Variants in PDE1C observed in about 807,000 individuals in gnomAD.
The protein encoded by PDE1C is dual specificity calcium/calmodulin-dependent 3',5'-cyclic nucleotide phosphodiesterase 1C.
Under a neutral mutation model 93.1 loss-of-function variants are expected in PDE1C, and 62 were observed. That is an observed-to-expected ratio of 0.67 (90% CI 0.54 to 0.82). PDE1C has a LOEUF of 0.82. PDE1C is among the 40% of genes least tolerant of loss of function. The probability of loss-of-function intolerance (pLI) is 0.00; values close to 1 mark genes in which losing one functional copy is unlikely to be tolerated. For missense variants in PDE1C, 742 were observed against 884.6 expected, an observed-to-expected ratio of 0.84 and a Z score of 2.04; for synonymous variants, 325 against 310.1, an observed-to-expected ratio of 1.05 and a Z score of -0.50.
rs1785514547 is a variant in PDE1C at position 32,425,749 on chromosome 7, C to A, written c.310+2073G>T. On this transcript the variant is annotated intron_variant, in intron 1 of 1. Coordinates refer to the PDE1C transcript ENST00000672256. Reference sequence around the variant, plus strand: ...TTGAGCCCAAGGGTTCAAGACCAGACTGGGCAACTGGAGAAATCTTGTCTC... The same window carrying A: ...TTGAGCCCAAGGGTTCAAGACCAGAATGGGCAACTGGAGAAATCTTGTCTC... 2.0e-5 allele frequency among the ~76,000 whole-genome samples: 3 copies of A among 152,060 alleles called. No individual in the cohort carries two copies. The South Asian group carries it at 6.2e-4, about 32-fold the overall frequency.
chr7:31,721,043 C>G, the PDE1C span, among the ~76,000 whole-genome samples: 1 of 152,194 alleles, frequency 6.6e-6, no homozygotes, highest in South Asian at 2.1e-4. Flanking sequence ...GTGTGTATGA[C>G]TGTATGTGTG....
At chr7:32,274,202 T>G (rs1303586219) in intron 1 of PDE1C, among the ~76,000 whole-genome samples, 4 of 151,036 alleles carry the variant, frequency 2.6e-5, no homozygotes, top group Non-Finnish European at 4.4e-5. Context: ...TTTAGGATAG[T>G]TTTTTAATTT....
At chr7:32,395,359 T>C (rs1784822565) in intron 1 of PDE1C, among the ~76,000 whole-genome samples, 1 of 151,870 alleles carries the variant, frequency 6.6e-6, no homozygotes, top group Non-Finnish European at 1.5e-5. Context: ...CAGAGAAAAG[T>C]AAAAGATTTC....
In PDE1C at chr7:32,376,316, G is replaced by T. The variant is rs567183601; in HGVS notation, c.310+51506C>A. Among the ~76,000 whole-genome samples the T allele has an allele frequency of 5.9e-5, 9 of 152,342 alleles. 1 individual carries two copies. Among genetic ancestry groups the T allele is most frequent in the African/African-American group, 1.9e-4 (8 of 41,588 alleles). Reference sequence around the variant, plus strand: ...CCAGCTTTGAAATCATGTGATTCCTGATGGATTTTTACCCTTGGGAGGATC... The same window carrying T: ...CCAGCTTTGAAATCATGTGATTCCTTATGGATTTTTACCCTTGGGAGGATC... On this transcript the variant is annotated intron_variant, in intron 1 of 1. Coordinates refer to the PDE1C transcript ENST00000672256.
chr7:32,374,202 AAG>A lies in PDE1C; in HGVS notation c.310+53618_310+53619del, dbSNP rs568514065. On this transcript the variant is annotated intron_variant, in intron 1 of 1. Transcript: ENST00000672256. ...AGAAAGAAAGAAAGAAAGAGAGGGA[AAG>A]AGAGGGAAAGAAAGGGAAAGAAAGA... 8.3e-5 allele frequency among the ~76,000 whole-genome samples: 12 copies of A among 145,322 alleles called. 1 individual carries two copies. The South Asian group carries it at 2.3e-3, about 27-fold the overall frequency.
At chr7:32,049,599 T>A (rs919466814) in intron 2 of PDE1C, among the ~76,000 whole-genome samples, 1 of 152,140 alleles carries the variant, frequency 6.6e-6, no homozygotes, top group African/African-American at 2.4e-5. Flanking sequence ...ATCTCTACTG[T>A]GAGATGACGC....
the PDE1C span, among the ~76,000 whole-genome samples, chr7:31,662,808 T>C: frequency 6.6e-6 from 1 of 152,222 alleles, no homozygotes; most frequent in South Asian, 2.1e-4. Flanking sequence ...GCCCTTTTTA[T>C]CTCACAGCTA....
intron 3 of PDE1C, among the ~76,000 whole-genome samples, chr7:32,160,807 TGAAA>T (rs1419633013): frequency 1.3e-5 from 2 of 149,516 alleles, no homozygotes; most frequent in Non-Finnish European, 3.0e-5. Flanking sequence ...AATACTCTGT[TGAAA>T]GAAAGAAACT....
chr7:32,212,519 A>G (rs1488517018), intron 1 of PDE1C, among the ~76,000 whole-genome samples: 2 of 152,218 alleles, frequency 1.3e-5, no homozygotes, highest in African/African-American at 4.8e-5. Context: ...TAGCCCCTAC[A>G]GAACACAATC....
intron 2 of PDE1C, among the ~76,000 whole-genome samples, chr7:32,199,021 G>A (rs1047036611): frequency 6.6e-6 from 1 of 152,042 alleles, no homozygotes; most frequent in African/African-American, 2.4e-5. Flanking sequence ...TACTTGGGAG[G>A]CTGAGGCAGG....
At chr7:32,029,319 A>G (rs1179319279) in intron 2 of PDE1C, among the ~76,000 whole-genome samples, 1 of 152,176 alleles carries the variant, frequency 6.6e-6, no homozygotes, top group Non-Finnish European at 1.5e-5. Context: ...CAACTACCAT[A>G]TGATCCAGCA....
chr7:31,996,526 TAA>T (rs751293030), intron 2 of PDE1C, among the ~76,000 whole-genome samples: 3 of 152,176 alleles, frequency 2.0e-5, no homozygotes, highest in Non-Finnish European at 4.4e-5. Context: ...GATTATAGAA[TAA>T]AGTCAGTGAG....
chr7:32,308,938 A>C (rs578218237), intron 1 of PDE1C, among the ~76,000 whole-genome samples: 3 of 151,996 alleles, frequency 2.0e-5, no homozygotes, highest in East Asian at 3.9e-4. Context: ...GCTTCAGATG[A>C]TCAAACTACT....
chr7:31,902,051 T>C (rs1800046401), intron 2 of PDE1C, among the ~76,000 whole-genome samples: 1 of 151,314 alleles, frequency 6.6e-6, no homozygotes. Flanking sequence ...TTTATATAAT[T>C]TGTGAGTGGA....
rs187584554 is a variant in PDE1C at position 32,284,236 on chromosome 7, C to T, written c.85+14415G>A. On this transcript the variant is annotated intron_variant, in intron 1 of 18. Transcript: ENST00000396193. ...CTACAATGAATATGAAATCCCAAGA[C>T]CCTATTCACATGGCACTAGCACTGG... Among the ~76,000 whole-genome samples, 9 of 152,272 alleles carry T rather than the reference C, an allele frequency of 5.9e-5. No homozygotes were observed. The East Asian group carries it at 1.7e-3, about 29-fold the overall frequency.
chr7:32,147,984 T>TAAAAAAAAAAAAAAAAA (rs752433564), intron 3 of PDE1C, among the ~76,000 whole-genome samples: 1,287 of 79,636 alleles, frequency 0.016, 159 homozygotes, highest in East Asian at 0.05. Flanking sequence ...CCATTTATGC[T>TAAAAAAAAAAAAAAAAA]AAAAAAAAAA....
intron 2 of PDE1C, among the ~76,000 whole-genome samples, chr7:31,947,910 A>G (rs985173387): frequency 3.3e-5 from 5 of 152,236 alleles, no homozygotes; most frequent in African/African-American, 9.6e-5. Context: ...CTCTAGCTAT[A>G]TTACTAAAGA....
intron 1 of PDE1C, among the ~76,000 whole-genome samples, chr7:32,325,143 T>A (rs1783380611): frequency 1.3e-5 from 2 of 152,196 alleles, no homozygotes; most frequent in South Asian, 4.1e-4. Context: ...TTGACCCAAG[T>A]TATTTGACTC....
At chr7:32,416,006 C>T (rs1197696759) in intron 1 of PDE1C, among the ~76,000 whole-genome samples, 1 of 152,184 alleles carries the variant, frequency 6.6e-6, no homozygotes, top group African/African-American at 2.4e-5. Context: ...GTGCCAGGCT[C>T]CACCAGGGTG....
Sources: allele counts gnomAD v4.1 joint callset (sites outside exome capture counted in the v4.1 genomes callset), GRCh38; gene constraint gnomAD v4.1.1; transcripts MANE v1.5; gene names NCBI Gene and HGNC (gene_info 2026-07-23, HGNC 2026-07-21).